SLC6A20: variants seen among roughly 807,000 people sequenced by gnomAD.
SLC6A20 encodes the protein solute carrier family 6 member 20.
SLC6A20 carries 73 observed loss-of-function variants against 64.3 expected under a neutral mutation model. The ratio of observed to expected loss-of-function variants is 1.14; its 90% CI spans 0.94 to 1.38. The LOEUF is 1.38. SLC6A20 is among the 40% of genes most tolerant of loss of function. The pLI, the probability that SLC6A20 is intolerant of heterozygous loss-of-function variation, is 0.00. For missense variants in SLC6A20, 725 were observed against 772.8 expected, an observed-to-expected ratio of 0.94 and a Z score of 0.73; for synonymous variants, 347 against 329.6, an observed-to-expected ratio of 1.05 and a Z score of -0.57.
intron 3 of SLC6A20, 105 bp downstream of exon 3, chr3:45,779,904 G>T: frequency 8.1e-7 from 1 of 1,229,818 alleles, no homozygotes; most frequent in East Asian, 2.6e-5. Flanking sequence ...TCCCCGCCCC[G>T]AGGCTGCTCA....
At position 45,796,308 on chromosome 3, in the gene SLC6A20, A is replaced by G. The variant is rs768962296; in HGVS notation, c.112T>C (p.Tyr38His). 8.7e-6 allele frequency: 14 copies of G among 1,609,310 alleles called. No individual in the cohort carries two copies. Among genetic ancestry groups the G allele is most frequent in the Non-Finnish European group, 1.2e-5 (14 of 1,178,146 alleles). The change falls in exon 1 of 11, where the codon TAC (tyrosine) becomes CAC (histidine). Residue 38 changes from tyrosine to histidine, a missense_variant. Tyr to His is a moderately conservative substitution (Grantham distance 83, BLOSUM62 2). Coordinates refer to ENST00000358525, the MANE Select transcript of SLC6A20 (RefSeq NM_020208.4). ...VWRFPYLCQM[Y>H]GGGSFLVPYI... is the part of the protein sequence containing the mutation. The stretch of plus-strand genomic sequence containing the variant: ...CGCGGTGGGCACTCACCTCCGCCGT[A>G]CATCTGGCACAGGTACGGGAATCGC...
In SLC6A20 at chr3:45,758,554, G is replaced by T; in HGVS notation, c.*424C>A. 8.7e-7 allele frequency: 1 copy of T among 1,144,022 alleles called. No homozygotes were observed. Among genetic ancestry groups the T allele is most frequent in the South Asian group, 1.8e-5 (1 of 56,732 alleles). 70.9% of individuals were successfully genotyped at this position (1,144,022 alleles called of 1,614,324 possible). On this transcript the variant is annotated 3_prime_UTR_variant, in exon 11 of 11. Transcript: ENST00000358525. ...CACCACTGACAAATAGGTCATCTTA[G>T]GCACTTCAAAACTCCTTAAATGGAT... is the stretch of plus-strand genomic sequence containing the variant.
chr3:45,771,154 C>CA, intron 6 of SLC6A20, 63 bp downstream of exon 6: 2 of 1,605,960 alleles, frequency 1.2e-6, no homozygotes, highest in Non-Finnish European at 1.7e-6. Flanking sequence ...AGCCCTTGCC[C>CA]AGGCGACCCT....
At chr3:45,793,189 G>C (rs1700285415) in intron 1 of SLC6A20, among the ~76,000 whole-genome samples, 1 of 152,178 alleles carries the variant, frequency 6.6e-6, no homozygotes, top group African/African-American at 2.4e-5. Context: ...GAGTGATACT[G>C]TCCCACTGCA....
At position 45,757,840 on chromosome 3, in the gene SLC6A20, G is replaced by C. The variant is rs956583346; in HGVS notation, c.*1138C>G. The C allele has an allele frequency of 2.0e-5, 3 of 151,654 alleles. No homozygotes were observed. The highest frequency in any genetic ancestry group is 4.4e-5 in the Non-Finnish European group (3 of 68,046). 9.4% of individuals were successfully genotyped at this position (151,654 alleles called of 1,614,324 possible). A position where few individuals can be genotyped will look rare whatever the true frequency, so the allele number is the denominator to read the frequency against. ...GAATAATTTAAAATTAATTGTAAGT[G>C]GTATTTGTGGTCTTGATAGAGTTGG... On this transcript the variant is annotated 3_prime_UTR_variant, in exon 11 of 11. Coordinates refer to ENST00000358525, the MANE Select transcript of SLC6A20 (RefSeq NM_020208.4).
At chr3:45,776,066 C>T in intron 3 of SLC6A20, 78 bp from the exon 4 acceptor site, 4 of 1,404,934 alleles carry the variant, frequency 2.8e-6, no homozygotes, top group Middle Eastern at 1.8e-4. Context: ...GGGAGGTGGC[C>T]CTGAGCGGAG....
chr3:45,792,389 G>C (rs183145287), intron 1 of SLC6A20, among the ~76,000 whole-genome samples: 12 of 152,258 alleles, frequency 7.9e-5, no homozygotes, highest in Admixed American at 7.2e-4. Flanking sequence ...CTGTAAATGG[G>C]GGTGACAGGA....
chr3:45,780,171 C>T, intron 2 of SLC6A20, 71 bp from the exon 3 acceptor site: 1 of 1,465,750 alleles, frequency 6.8e-7, no homozygotes, highest in Non-Finnish European at 9.3e-7. Flanking sequence ...CCAGCGTGTG[C>T]TCCCAGGACA....
chr3:45,759,027 G>T lies in SLC6A20; in HGVS notation c.1730C>A (p.Thr577Asn), dbSNP rs886058540. 7 of 1,612,182 alleles carry T rather than the reference G, an allele frequency of 4.3e-6. No homozygotes were observed. The highest frequency in any genetic ancestry group is 5.9e-6 in the Non-Finnish European group (7 of 1,179,378). The change falls in exon 11 of 11, where the codon ACT becomes AAT. Residue 577 changes from threonine to asparagine, a missense_variant. Thr to Asn is a moderately conservative substitution (Grantham distance 65). Transcript: ENST00000358525. ...TMCIPLAALG[T>N]FVQRRLKRGD... ...CCTCTTGAGGCGACGCTGAACAAAA[G>T]TCCCCAGGGCCGCCAGGGGGATGCA... is the stretch of plus-strand genomic sequence containing the variant.
rs140706247 is a variant in SLC6A20 at position 45,762,960 on chromosome 3, G to T, written c.1416C>A (p.Ile472=). 124 of 1,614,010 alleles carry T rather than the reference G, an allele frequency of 7.7e-5. No homozygotes were observed. Among genetic ancestry groups the T allele is most frequent in the Admixed American group, 6.7e-4 (40 of 60,006 alleles). The change falls in exon 9 of 11, where the codon ATC becomes ATA. Residue 472 remains isoleucine, a synonymous_variant. Coordinates refer to ENST00000358525, the MANE Select transcript of SLC6A20 (RefSeq NM_020208.4). ...DYAATLSLLL[I]VLVETIAVCY... ...ACACGGCAATCGTCTCCACCAGCACGATGAGCAGCAGGGACAGTGTGGCCG... is the reference window on the plus strand; with the variant it reads ...ACACGGCAATCGTCTCCACCAGCACTATGAGCAGCAGGGACAGTGTGGCCG...
intron 1 of SLC6A20, among the ~76,000 whole-genome samples, chr3:45,784,532 C>T (rs1403214460): frequency 6.6e-6 from 1 of 152,140 alleles, no homozygotes; most frequent in Non-Finnish European, 1.5e-5. Flanking sequence ...GTGAAAGACA[C>T]TGTTAAGAGA....
intron 9 of SLC6A20, among the ~76,000 whole-genome samples, chr3:45,761,547 T>C (rs1699682819): frequency 6.6e-6 from 1 of 152,076 alleles, no homozygotes; most frequent in African/African-American, 2.4e-5. Context: ...CCAATCTCTT[T>C]CTCCCTCTAG....
At chr3:45,770,505 G>A in intron 6 of SLC6A20, 134 bp from the exon 7 acceptor site, 1 of 1,133,152 alleles carries the variant, frequency 8.8e-7, no homozygotes, top group East Asian at 2.6e-5. Flanking sequence ...AAAGGGCAGG[G>A]TAATTTTGAA....
chr3:45,790,022 C>G (rs996324203), intron 1 of SLC6A20, among the ~76,000 whole-genome samples: 1 of 152,140 alleles, frequency 6.6e-6, no homozygotes, highest in Non-Finnish European at 1.5e-5. Context: ...ATTTGCTAAA[C>G]CTAAGAATCT....
intron 1 of SLC6A20, among the ~76,000 whole-genome samples, chr3:45,784,234 A>C (rs1213037621): frequency 4.6e-5 from 7 of 152,154 alleles, no homozygotes; most frequent in African/African-American, 1.7e-4. Context: ...ATAAACACAT[A>C]ATCTGGGTGA....
At chr3:45,776,963 C>A (rs1001602765) in intron 3 of SLC6A20, among the ~76,000 whole-genome samples, 1 of 152,120 alleles carries the variant, frequency 6.6e-6, no homozygotes, top group Non-Finnish European at 1.5e-5. Context: ...TGACCATGAC[C>A]CGAGGCCAAG....
At chr3:45,762,103 C>CT (rs1699694556) in intron 9 of SLC6A20, among the ~76,000 whole-genome samples, 1 of 152,192 alleles carries the variant, frequency 6.6e-6, no homozygotes, top group Admixed American at 6.5e-5. Flanking sequence ...CTCAGGCCCC[C>CT]TGGACATAGT....
chr3:45,789,909 C>T (rs895703333), intron 1 of SLC6A20, among the ~76,000 whole-genome samples: 10 of 152,120 alleles, frequency 6.6e-5, no homozygotes, highest in Admixed American at 2.0e-4. Context: ...ACAATTTCTA[C>T]GATGAACACT....
chr3:45,762,269 A>G (rs1188480390), intron 9 of SLC6A20, among the ~76,000 whole-genome samples: 1 of 152,198 alleles, frequency 6.6e-6, no homozygotes, highest in Non-Finnish European at 1.5e-5. Flanking sequence ...TGCCAGACTC[A>G]TCTGGGAACC....
Sources: allele counts gnomAD v4.1 joint callset (sites outside exome capture counted in the v4.1 genomes callset), GRCh38; gene constraint gnomAD v4.1.1; transcripts MANE v1.5; gene names NCBI Gene and HGNC (gene_info 2026-07-23, HGNC 2026-07-21).